The following LGI2 variants were observed in gnomAD, a reference collection of about 807,000 sequenced individuals.
LGI2 encodes the protein leucine rich repeat LGI family member 2.
A neutral mutation model predicts 52.0 loss-of-function variants in LGI2; 30 were observed. The ratio of observed to expected loss-of-function variants is 0.58; its 90% CI spans 0.43 to 0.78. The LOEUF is 0.78. Ranked by LOEUF, LGI2 falls within the 30% of genes least tolerant of loss-of-function variation. LGI2 has a pLI of 0.00. For missense variants in LGI2, 573 were observed against 692.5 expected (o/e 0.83, Z 1.94); for synonymous variants, 270 against 271.8 (o/e 0.99, Z 0.06).
chr4:25,017,888 C>T, intron 6 of LGI2, 101 bp downstream of exon 6: 1 of 995,888 alleles, frequency 1.0e-6, no homozygotes, highest in Non-Finnish European at 1.4e-6. Context: ...TTTTGATAAA[C>T]AGTTCTATAT....
chr4:25,016,270 T>A (rs1471352448), intron 6 of LGI2, among the ~76,000 whole-genome samples: 3 of 152,240 alleles, frequency 2.0e-5, no homozygotes, highest in African/African-American at 4.8e-5. Context: ...TAGCAAAGTT[T>A]CTCCACGCTA....
chr4:25,001,541 G>C lies in LGI2; in HGVS notation c.*1910C>G, dbSNP rs1725238695. On this transcript the variant is annotated 3_prime_UTR_variant, in exon 8 of 8. Coordinates refer to ENST00000382114, the MANE Select transcript of LGI2 (RefSeq NM_018176.4). ...GGGGGGACCTGGGCATTTGTAGCCT[G>C]TTCAAAGAAACCAAGAGGGAAAAAA... 6.8e-6 allele frequency: 1 copy of C among 148,090 alleles called. No individual in the cohort carries two copies. The allele number at this position is 148,090 out of a possible 1,614,324, so 9.2% of individuals were successfully genotyped here.
At chr4:24,998,832 G>A (rs892929771), downstream of LGI2, 1 of 152,136 alleles carries the variant, frequency 6.6e-6, no homozygotes, top group African/African-American at 2.4e-5. Context: ...AAGCAGACCA[G>A]AGATCAAAAC....
chr4:25,021,804 G>A (rs1443701529), intron 4 of LGI2, among the ~76,000 whole-genome samples: 1 of 151,800 alleles, frequency 6.6e-6, no homozygotes, highest in Non-Finnish European at 1.5e-5. Context: ...GGTGGCACAC[G>A]CCTGTAGTCC....
chr4:25,011,081 C>CA (rs35953611), intron 7 of LGI2, among the ~76,000 whole-genome samples: 44,938 of 136,514 alleles, frequency 0.33, 7,044 homozygotes, highest in Middle Eastern at 0.43. Context: ...GAGCCTGTCT[C>CA]AAAAAAAAAA....
chr4:25,014,848 AAAAAAAGAG>A (rs1445605937), intron 6 of LGI2, among the ~76,000 whole-genome samples: 150 of 127,070 alleles, frequency 1.2e-3, no homozygotes, highest in East Asian at 1.9e-3. Context: ...AAAAAAAAAA[AAAAAAAGAG>A]AGAGAGAGAG....
At chr4:25,009,626 A>T (rs1725511450) in intron 7 of LGI2, among the ~76,000 whole-genome samples, 1 of 151,828 alleles carries the variant, frequency 6.6e-6, no homozygotes, top group Non-Finnish European at 1.5e-5. Flanking sequence ...CTGAGGGCAG[A>T]GGTTTTTTTG....
At chr4:25,016,767 C>A (rs1006231848) in intron 6 of LGI2, among the ~76,000 whole-genome samples, 5 of 152,114 alleles carry the variant, frequency 3.3e-5, no homozygotes, top group African/African-American at 1.2e-4. Context: ...ATATTTTGTT[C>A]TTGGAGTTTT....
intron 3 of LGI2, 100 bp downstream of exon 3, chr4:25,026,768 C>T: frequency 1.1e-6 from 1 of 914,096 alleles, no homozygotes; most frequent in South Asian, 1.3e-5. Context: ...GTTTCTCCAC[C>T]CCTAAACCCT....
chr4:25,000,404 A>G lies in LGI2; in HGVS notation c.*3047T>C, dbSNP rs1725200887. 6.6e-6 allele frequency: 1 copy of G among 152,486 alleles called. No homozygotes were observed. Among genetic ancestry groups the G allele is most frequent in the Non-Finnish European group, 1.5e-5 (1 of 68,338 alleles). The allele number at this position is 152,486 out of a possible 1,614,324, so 9.4% of individuals were successfully genotyped here. On this transcript the variant is annotated 3_prime_UTR_variant, in exon 8 of 8. Transcript: ENST00000382114. ...AAATTAGAATAATACCTGCCCTGCA[A>G]TAAACTTCAGAGCTATTTATGAACA...
intron 5 of LGI2, 128 bp from the exon 6 acceptor site, chr4:25,018,286 T>G (rs1291933140): frequency 4.8e-6 from 3 of 623,766 alleles, no homozygotes; most frequent in Non-Finnish European, 8.0e-6. Flanking sequence ...AAAATGGAGT[T>G]TAAAAACTTT....
At chr4:25,021,576 T>C (rs1461744911) in intron 4 of LGI2, among the ~76,000 whole-genome samples, 1 of 152,208 alleles carries the variant, frequency 6.6e-6, no homozygotes, top group Non-Finnish European at 1.5e-5. Flanking sequence ...TGATTCATTC[T>C]TTACACAGTA....
At chr4:25,005,190 A>G (rs1725359959) in intron 7 of LGI2, among the ~76,000 whole-genome samples, 1 of 152,204 alleles carries the variant, frequency 6.6e-6, no homozygotes, top group African/African-American at 2.4e-5. Flanking sequence ...GTTTTTCAAG[A>G]TGAAAAGCGT....
Position 25,011,813 on chromosome 4 carries a change from A to G in LGI2, c.820+522T>C, listed in dbSNP as rs140809745. 2.4e-3 allele frequency among the ~76,000 whole-genome samples: 365 copies of G among 152,324 alleles called. 2 individuals are homozygous for G. Among genetic ancestry groups the G allele is most frequent in the African/African-American group, 8.1e-3 (338 of 41,574 alleles). ...CTGAAAGAAGCGTTAACTAATTCAT[A>G]TCCCAAATGCCTAATTTAGGGATCC... On this transcript the variant is annotated intron_variant, in intron 7 of 7. Transcript: ENST00000382114.
At chr4:25,018,420 C>G (rs1475931619) in intron 5 of LGI2, among the ~76,000 whole-genome samples, 3 of 152,212 alleles carry the variant, frequency 2.0e-5, no homozygotes, top group Non-Finnish European at 4.4e-5. Flanking sequence ...CATATCATCT[C>G]TCCAAATGCT....
rs1465240537 is a variant in LGI2 at position 25,004,925 on chromosome 4, T to C, written c.821-657A>G. On this transcript the variant is annotated intron_variant, in intron 7 of 7. Coordinates refer to ENST00000382114, the MANE Select transcript of LGI2 (RefSeq NM_018176.4). This position sits in a 1 kb window ranked among gnomAD's most constrained non-coding sequence, Gnocchi z 4.6. ...AATGGACAAATAGATAGACAAAATG[T>C]GGCATATACATAAAATGGAATATTA... Among the ~76,000 whole-genome samples, 1 of 152,146 alleles carries C rather than the reference T, an allele frequency of 6.6e-6. No individual in the cohort carries two copies. Among genetic ancestry groups the C allele is most frequent in the Non-Finnish European group, 1.5e-5 (1 of 68,022 alleles).
At position 25,003,699 on chromosome 4, in the gene LGI2, C is replaced by A. The variant is rs1199976161; in HGVS notation, c.1390G>T (p.Ala464Ser). ...VEIQALPSRG[A>S]MTLQPFSFKD... is the part of the protein sequence containing the mutation. ...AAAGAAAAGGGCTGCAGGGTCATGG[C>A]CCCCCGGGATGGAAGAGCTTGGATC... The change falls in exon 8 of 8, where the codon GCC (alanine) becomes TCC (serine). Residue 464 changes from alanine to serine, a missense_variant. Ala to Ser is a moderately conservative substitution (Grantham distance 99). Coordinates refer to ENST00000382114, the MANE Select transcript of LGI2 (RefSeq NM_018176.4). The A allele has an allele frequency of 1.2e-6, 2 of 1,614,162 alleles. No homozygotes were observed. Among genetic ancestry groups the A allele is most frequent in the Non-Finnish European group, 1.7e-6 (2 of 1,180,030 alleles).
downstream of LGI2, among the ~76,000 whole-genome samples, chr4:24,994,831 T>C (rs549242461): frequency 2.9e-4 from 44 of 152,248 alleles, no homozygotes; most frequent in Non-Finnish European, 5.0e-4. Context: ...GACAAAGATG[T>C]CTCTGAGATA....
intron 2 of LGI2, 36 bp downstream of exon 2, chr4:25,028,471 G>T: frequency 1.3e-6 from 2 of 1,593,694 alleles, no homozygotes; most frequent in East Asian, 4.5e-5. Flanking sequence ...GCACCTCAGG[G>T]CCCCCCATTG....
Sources: gnomAD v4.1 joint callset for allele counts (sites outside exome capture counted in the v4.1 genomes callset) on GRCh38, gnomAD v4.1.1 for gene constraint, Gnocchi (gnomAD v3.1) non-coding constraint, MANE v1.5 for transcripts, NCBI Gene and HGNC (gene_info 2026-07-23, HGNC 2026-07-21) for gene names.